The following PCSK6 variants were observed in gnomAD, a reference collection of about 807,000 sequenced individuals.
The protein encoded by PCSK6 is proprotein convertase subtilisin/kexin type 6.
In PCSK6, 85 loss-of-function variants were observed where a neutral mutation model predicts 123.3. That is an observed-to-expected ratio of 0.69 (90% CI 0.58 to 0.83). PCSK6 has a LOEUF of 0.83. Ranked by LOEUF, PCSK6 falls within the 40% of genes least tolerant of loss-of-function variation. The probability of loss-of-function intolerance (pLI) is 0.00; values close to 1 mark genes in which losing one functional copy is unlikely to be tolerated. For missense variants in PCSK6, 1,191 were observed against 1,282.3 expected, an observed-to-expected ratio of 0.93 and a Z score of 1.09; for synonymous variants, 508 against 516.0, an observed-to-expected ratio of 0.98 and a Z score of 0.21.
intron 20 of PCSK6, 73 bp from the exon 21 acceptor site, chr15:101,307,398 C>T: frequency 9.4e-7 from 1 of 1,068,690 alleles, no homozygotes; most frequent in Non-Finnish European, 1.4e-6. Context: ...TCCCAGAACC[C>T]TCACCTCCCT....
chr15:101,385,616 G>A (rs964359411), intron 9 of PCSK6, among the ~76,000 whole-genome samples: 8 of 152,174 alleles, frequency 5.3e-5, no homozygotes, highest in African/African-American at 1.9e-4. Flanking sequence ...TGGATTCGAT[G>A]AAATATAGTA....
chr15:101,417,119 C>T (rs888151525), intron 6 of PCSK6, among the ~76,000 whole-genome samples: 3 of 152,166 alleles, frequency 2.0e-5, no homozygotes, highest in Non-Finnish European at 2.9e-5. Context: ...GTGCTATTCT[C>T]GTGATAGTGA....
At position 101,432,070 on chromosome 15, in the gene PCSK6, G is replaced by C; in HGVS notation, c.433C>G (p.Arg145Gly). The change falls in exon 3 of 22, where the codon CGA becomes GGA. Residue 145 changes from arginine (R) to glycine (G), a missense_variant. Around this residue, in one of 3 missense-constraint regions of PCSK6, gnomAD observed 357 missense variants for 484.5 expected, o/e 0.74. Transcript: ENST00000611716. ...CTTCGCACCTGTCTCTTCACCCTTCGTTTCACTTCCTGTTGCTGGAGCCAT... is the reference window on the plus strand; with the variant it reads ...CTTCGCACCTGTCTCTTCACCCTTCCTTTCACTTCCTGTTGCTGGAGCCAT... ...VKWLQQQEVKRRVKRQVRSDP... is the reference protein window; with the variant it reads ...VKWLQQQEVKGRVKRQVRSDP... 1 of 1,613,558 alleles carries C rather than the reference G, an allele frequency of 6.2e-7. No individual in the cohort carries two copies.
intron 13 of PCSK6, among the ~76,000 whole-genome samples, chr15:101,350,860 G>A (rs994310342): frequency 1.3e-5 from 2 of 152,218 alleles, no homozygotes; most frequent in Admixed American, 6.5e-5. Flanking sequence ...CGCTGCAGCC[G>A]ACCAGCACTG....
chr15:101,346,315 A>G (rs1274694996), intron 13 of PCSK6: 1 of 152,330 alleles, frequency 6.6e-6, no homozygotes, highest in African/African-American at 2.4e-5. Flanking sequence ...AACAATAGAG[A>G]GATGCTTAAA....
intron 2 of PCSK6, among the ~76,000 whole-genome samples, chr15:101,443,088 G>T (rs1001559188): frequency 6.6e-6 from 1 of 152,206 alleles, no homozygotes; most frequent in Non-Finnish European, 1.5e-5. Flanking sequence ...TACGGGTTAT[G>T]TTAAAATTTA....
intron 1 of PCSK6, among the ~76,000 whole-genome samples, chr15:101,485,922 A>G (rs573762229): frequency 9.9e-5 from 15 of 151,092 alleles, no homozygotes; most frequent in African/African-American, 3.7e-4. Context: ...CAGCCCTCCC[A>G]TGCATGAACA....
intron 20 of PCSK6, chr15:101,307,711 A>G (rs2039758433): frequency 9.4e-6 from 2 of 212,214 alleles, no homozygotes; most frequent in Non-Finnish European, 1.9e-5. Flanking sequence ...CCGGGCTGCG[A>G]TGGCTGTAGG....
At chr15:101,347,626 C>A in intron 13 of PCSK6, 1 of 1,554,900 alleles carries the variant, frequency 6.4e-7, no homozygotes, top group Non-Finnish European at 8.8e-7. Context: ...CCTCTGGGGG[C>A]GGGAGCTGAG....
chr15:101,414,090 CAA>C (rs1212869229), intron 6 of PCSK6, among the ~76,000 whole-genome samples: 1 of 152,100 alleles, frequency 6.6e-6, no homozygotes, highest in Non-Finnish European at 1.5e-5. Context: ...TCACCTGAGA[CAA>C]AGAGACGCCC....
At chr15:101,324,827 G>C (rs754464010) in intron 17 of PCSK6, 23 bp downstream of exon 17, 1 of 1,597,010 alleles carries the variant, frequency 6.3e-7, no homozygotes, top group Non-Finnish European at 8.6e-7. Context: ...ATCAGTTCTT[G>C]TACCCACAAA....
intron 6 of PCSK6, among the ~76,000 whole-genome samples, chr15:101,403,373 T>C (rs1321380377): frequency 1.3e-5 from 2 of 151,228 alleles, no homozygotes; most frequent in African/African-American, 2.4e-5. Context: ...TACACATATG[T>C]AACTAACCTG....
intron 3 of PCSK6, 135 bp from the exon 4 acceptor site, chr15:101,431,598 T>C (rs2056449801): frequency 3.9e-6 from 4 of 1,037,866 alleles, no homozygotes; most frequent in Admixed American, 3.9e-5. Context: ...CTGCCTTACA[T>C]AGCAGAGCTC....
chr15:101,327,827 G>T (rs771605461), intron 15 of PCSK6, among the ~76,000 whole-genome samples: 3 of 152,118 alleles, frequency 2.0e-5, no homozygotes, highest in African/African-American at 7.2e-5. Flanking sequence ...TCACTGGGGG[G>T]GCTTTGCGTG....
At position 101,483,968 on chromosome 15, in the gene PCSK6, CCTTTT is replaced by C. The variant is rs570044889; in HGVS notation, c.297+5401_297+5405del. On this transcript the variant is annotated intron_variant, in intron 1 of 21. Transcript: ENST00000611716. ...GCGGTAGGTGTACCATGTGCATCTC[CCTTTT>C]CTTTTTTCTCTCTTCAATGTTTTAT... Among the ~76,000 whole-genome samples, 66 of 152,274 alleles carry C rather than the reference CCTTTT, an allele frequency of 4.3e-4. No individual in the cohort carries two copies. The East Asian group carries it at 4.4e-3, about 10-fold the overall frequency.
intron 7 of PCSK6, among the ~76,000 whole-genome samples, chr15:101,395,245 C>G (rs969657255): frequency 6.6e-6 from 1 of 152,146 alleles, no homozygotes; most frequent in Non-Finnish European, 1.5e-5. Flanking sequence ...CAGTGCTCCC[C>G]AAACTTGAAT....
At chr15:101,386,991 G>A (rs946878815) in intron 9 of PCSK6, among the ~76,000 whole-genome samples, 4 of 152,170 alleles carry the variant, frequency 2.6e-5, no homozygotes, top group East Asian at 3.9e-4. Flanking sequence ...CACCCATGGC[G>A]TTAAGTCTTG....
At chr15:101,374,183 C>G (rs2041667520) in intron 11 of PCSK6, among the ~76,000 whole-genome samples, 1 of 152,196 alleles carries the variant, frequency 6.6e-6, no homozygotes, top group Admixed American at 6.5e-5. Context: ...ATCCCAAATG[C>G]TCTCCACCCG....
At position 101,305,728 on chromosome 15, in the gene PCSK6, CATAA is replaced by C. The variant is rs993138312; in HGVS notation, c.2813-377_2813-374del. ...CGTCTCAAAAATAAATAAATAAATA[CATAA>C]ATAAATATTGTTTCAATCATTCCAC... is the stretch of plus-strand genomic sequence containing the variant. On this transcript the variant is annotated intron_variant, in intron 21 of 21. Coordinates refer to ENST00000611716, the MANE Select transcript of PCSK6 (RefSeq NM_002570.5). The surrounding 1 kb of genome is among the most constrained non-coding windows in gnomAD (Gnocchi z 4.8). 1.2e-4 allele frequency: 21 copies of C among 175,232 alleles called. No homozygotes were observed. Among genetic ancestry groups the C allele is most frequent in the African/African-American group, 2.8e-4 (12 of 42,222 alleles). 10.9% of individuals were successfully genotyped at this position (175,232 alleles called of 1,614,324 possible).
Sources: allele counts gnomAD v4.1 joint callset (sites outside exome capture counted in the v4.1 genomes callset), GRCh38; gene constraint gnomAD v4.1.1; regional missense constraint gnomAD v4.1.1; non-coding constraint Gnocchi (gnomAD v3.1); transcripts MANE v1.5; gene names NCBI Gene and HGNC (gene_info 2026-07-23, HGNC 2026-07-21).